The following CD151 variants were observed in gnomAD, a reference collection of about 807,000 sequenced individuals.
The protein encoded by CD151 is CD151 molecule (Raph blood group), also known as CD151 antigen.
In CD151, 20 loss-of-function variants were observed where a neutral mutation model predicts 34.2. The observed-to-expected ratio is 0.58, with a 90% CI of 0.41 to 0.85. CD151 has a LOEUF of 0.85. CD151 is among the 40% of genes least tolerant of loss of function. The pLI, the probability that CD151 is intolerant of heterozygous loss-of-function variation, is 0.00. For missense variants in CD151, 306 were observed against 324.5 expected (o/e 0.94, Z 0.44); for synonymous variants, 157 against 131.7 (o/e 1.19, Z -1.32).
At chr11:836,917 G>A (rs1014015698) in intron 5 of CD151, 74 bp downstream of exon 5, 20 of 1,334,358 alleles carry the variant, frequency 1.5e-5, no homozygotes, top group African/African-American at 1.3e-4. Context: ...ATGCACACGC[G>A]TGGCTAGCCC....
chr11:835,220 G>A (rs1476652494), intron 2 of CD151: 1 of 152,310 alleles, frequency 6.6e-6, no homozygotes, highest in Non-Finnish European at 1.5e-5. Flanking sequence ...TGGCTGTCAG[G>A]GCTCCTGAGT....
chr11:837,068 T>C (rs1472171395), intron 5 of CD151, 182 bp from the exon 6 acceptor site: 13 of 660,784 alleles, frequency 2.0e-5, no homozygotes, highest in African/African-American at 1.1e-4. Context: ...CCGCACTTCA[T>C]TGTCACCCTG....
chr11:838,499 G>C lies in CD151; in HGVS notation c.*307G>C. 2 of 522,770 alleles carry C rather than the reference G, an allele frequency of 3.8e-6. No individual in the cohort carries two copies. The highest frequency in any genetic ancestry group is 2.2e-5 in the South Asian group (1 of 44,898). 32.4% of individuals were successfully genotyped at this position (522,770 alleles called of 1,614,324 possible). ...GCGCAAGGCCGAGCGTTCCCAGCAG[G>C]GGGAGAAACCCTTCACACCCCAGGC... On this transcript the variant is annotated 3_prime_UTR_variant, in exon 9 of 9. Transcript: ENST00000397420.
intron 1 of CD151, among the ~76,000 whole-genome samples, chr11:833,754 C>CA (rs1241206221): frequency 1.3e-5 from 1 of 79,358 alleles, no homozygotes; most frequent in Non-Finnish European, 2.8e-5. Context: ...TGGGACCTTA[C>CA]AGCCAGGCCA....
rs1436834060 is a variant in CD151, at chr11:838,430, C to T, written c.*238C>T. On this transcript the variant is annotated 3_prime_UTR_variant, in exon 9 of 9. Coordinates refer to ENST00000397420, the MANE Select transcript of CD151 (RefSeq NM_004357.5). ...TTGTGGGGCTCCCCAGACACACTCT[C>T]TGCCTGGTGGTCAGATGCAGGTTGG... 1.7e-6 allele frequency: 1 copy of T among 593,742 alleles called. No homozygotes were observed. Among genetic ancestry groups the T allele is most frequent in the East Asian group, 2.8e-5 (1 of 35,872 alleles). The allele number at this position is 593,742 out of a possible 1,614,324, so 36.8% of individuals were successfully genotyped here.
intron 1 of CD151, among the ~76,000 whole-genome samples, 185 bp downstream of exon 1, chr11:833,211 T>C (rs1402660894): frequency 5.3e-5 from 1 of 18,924 alleles, no homozygotes; most frequent in South Asian, 7.8e-4. Flanking sequence ...CTCCCTCGCC[T>C]GCCCCAGCTC....
rs1846862340 is a variant in CD151, at chr11:838,394, TG to T, written c.*208del. On this transcript the variant is annotated 3_prime_UTR_variant, in exon 9 of 9. Coordinates refer to ENST00000397420, the MANE Select transcript of CD151 (RefSeq NM_004357.5). ...TGAGGGGGGCTGGCGGGGCGAAGTT[TG>T]GGGGGTGTTTTGTGGGGCTCCCCAG... 4 of 420,006 alleles carry T rather than the reference TG, an allele frequency of 9.5e-6. No homozygotes were observed. The highest frequency in any genetic ancestry group is 2.2e-5 in the African/African-American group (1 of 45,016). The allele number at this position is 420,006 out of a possible 1,614,324, so 26.0% of individuals were successfully genotyped here. A position where few individuals can be genotyped will look rare whatever the true frequency, so the allele number is the denominator to read the frequency against.
intron 5 of CD151, 159 bp from the exon 6 acceptor site, chr11:837,091 G>GC: frequency 1.5e-6 from 1 of 680,242 alleles, no homozygotes; most frequent in Middle Eastern, 2.7e-4. Context: ...GACGGTCCTG[G>GC]CACCACCCAA....
intron 1 of CD151, 155 bp from the exon 2 acceptor site, chr11:834,374 GA>G: frequency 6.6e-6 from 1 of 152,432 alleles, no homozygotes; most frequent in Non-Finnish European, 1.5e-5. Context: ...AAGAAAAAAA[GA>G]AAAAAACAAA....
chr11:837,111 A>G, intron 5 of CD151, 139 bp from the exon 6 acceptor site: 1 of 717,630 alleles, frequency 1.4e-6, no homozygotes, highest in South Asian at 1.7e-5. Context: ...ACCTCCCCTC[A>G]TGCCGAGGTG....
rs1846857808 is a variant in CD151 at position 838,247 on chromosome 11, G to A, written c.*55G>A. The A allele has an allele frequency of 2.0e-6, 3 of 1,478,190 alleles. No homozygotes were observed. In the African/African-American group the frequency reaches 4.2e-5, roughly 20 times the overall value. 91.6% of individuals were successfully genotyped at this position (1,478,190 alleles called of 1,614,324 possible). On this transcript the variant is annotated 3_prime_UTR_variant, in exon 9 of 9. Transcript: ENST00000397420. ...CCAACTACTGAGCTGAGACCACTGAGTACCAGGGGCTGGGCTCCCTGATGA... is the reference window on the plus strand; with the variant it reads ...CCAACTACTGAGCTGAGACCACTGAATACCAGGGGCTGGGCTCCCTGATGA...
chr11:836,766 C>G lies in CD151; in HGVS notation c.277-3C>G, dbSNP rs1846789419. ...AAGGGTGCCCTTGTGCTGCCCCCCC[C>G]AGTACTTCATCCTGCTCCTCATCAT... On this transcript the variant is annotated splice_region_variant and splice_polypyrimidine_tract_variant and intron_variant, in intron 4 of 8. Transcript: ENST00000397420. 2 of 1,612,656 alleles carry G rather than the reference C, an allele frequency of 1.2e-6. No individual in the cohort carries two copies. The highest frequency in any genetic ancestry group is 1.7e-6 in the Non-Finnish European group (2 of 1,179,880).
At chr11:835,967 G>T (rs1331087614) in intron 2 of CD151, 96 bp from the exon 3 acceptor site, 12 of 741,754 alleles carry the variant, frequency 1.6e-5, no homozygotes, top group Non-Finnish European at 2.4e-5. Context: ...GATTACAGGC[G>T]TGAGCCACCG....
Position 838,458 on chromosome 11 carries a change from G to C in CD151, c.*266G>C. 2 of 582,736 alleles carry C rather than the reference G, an allele frequency of 3.4e-6. No homozygotes were observed. Among genetic ancestry groups the C allele is most frequent in the East Asian group, 5.7e-5 (2 of 34,994 alleles). 36.1% of individuals were successfully genotyped at this position (582,736 alleles called of 1,614,324 possible). ...CCTGGTGGTCAGATGCAGGTTGGAA[G>C]GGGCCTTGCTGAGTGGCGCAAGGCC... On this transcript the variant is annotated 3_prime_UTR_variant, in exon 9 of 9. Coordinates refer to ENST00000397420, the MANE Select transcript of CD151 (RefSeq NM_004357.5).
At position 838,542 on chromosome 11, in the gene CD151, C is replaced by T. The variant is rs1130698; in HGVS notation, c.*350C>T. ...CCCCAGGCCCTTCAGGAACTGGGGC[C>T]TTGCCTTGCAGCCACATGGCCCCAT... is the stretch of plus-strand genomic sequence containing the variant. On this transcript the variant is annotated 3_prime_UTR_variant, in exon 9 of 9. Transcript: ENST00000397420. 247,589 of 372,882 alleles carry T rather than the reference C, an allele frequency of 0.66. 84,704 individuals are homozygous for T. The highest frequency in any genetic ancestry group is 0.92 in the East Asian group (17,344 of 18,910). The allele number at this position is 372,882 out of a possible 1,614,324, so 23.1% of individuals were successfully genotyped here.
In CD151 at chr11:838,409, G is replaced by A; in HGVS notation, c.*217G>A. 1 of 591,722 alleles carries A rather than the reference G, an allele frequency of 1.7e-6. No homozygotes were observed. The highest frequency in any genetic ancestry group is 3.0e-6 in the Non-Finnish European group (1 of 331,324). The allele number at this position is 591,722 out of a possible 1,614,324, so 36.7% of individuals were successfully genotyped here. On this transcript the variant is annotated 3_prime_UTR_variant, in exon 9 of 9. Transcript: ENST00000397420. ...GGGCGAAGTTTGGGGGGTGTTTTGT[G>A]GGGCTCCCCAGACACACTCTCTGCC...
chr11:833,391 TC>T (rs1032754180), intron 1 of CD151, among the ~76,000 whole-genome samples: 1 of 151,988 alleles, frequency 6.6e-6, no homozygotes, highest in African/African-American at 2.4e-5. Flanking sequence ...ACGGCAGTCT[TC>T]CCTCCGCCCG....
intron 1 of CD151, among the ~76,000 whole-genome samples, chr11:834,307 T>C (rs1846670159): frequency 6.6e-6 from 1 of 152,026 alleles, no homozygotes; most frequent in Admixed American, 6.6e-5. Flanking sequence ...TGCAGTGAGC[T>C]GAGATCGTGC....
At chr11:837,136 C>A in intron 5 of CD151, 114 bp from the exon 6 acceptor site, 1 of 853,244 alleles carries the variant, frequency 1.2e-6, no homozygotes, top group Non-Finnish European at 1.9e-6. Flanking sequence ...CTCAGCCCTT[C>A]CCTGTGGCTC....
Sources: gnomAD v4.1 joint callset for allele counts (sites outside exome capture counted in the v4.1 genomes callset) on GRCh38, gnomAD v4.1.1 for gene constraint, MANE v1.5 for transcripts, NCBI Gene and HGNC (gene_info 2026-07-23, HGNC 2026-07-21) for gene names.